Variants in MAP4K5 observed in about 807,000 individuals in gnomAD.
MAP4K5 encodes the protein mitogen-activated protein kinase kinase kinase kinase 5, also known as MAPK/ERK kinase kinase kinase 5.
A neutral mutation model predicts 135.6 loss-of-function variants in MAP4K5; 82 were observed. The observed-to-expected ratio is 0.60, with a 90% CI of 0.51 to 0.73. The LOEUF is 0.73. MAP4K5 is among the 30% of genes least tolerant of loss of function. MAP4K5 has a pLI of 0.00. For synonymous variants in MAP4K5, 347 were observed against 335.0 expected (o/e 1.04, Z -0.39); for missense variants, 907 against 1,010.9 (o/e 0.90, Z 1.39).
At chr14:50,503,418 G>A (rs1399654412) in intron 3 of MAP4K5, among the ~76,000 whole-genome samples, 1 of 152,046 alleles carries the variant, frequency 6.6e-6, no homozygotes, top group African/African-American at 2.4e-5. Flanking sequence ...AAGGCAGTGA[G>A]AAATTCCAGC....
intron 3 of MAP4K5, among the ~76,000 whole-genome samples, chr14:50,493,198 C>T (rs2037523063): frequency 6.6e-6 from 1 of 152,154 alleles, no homozygotes; most frequent in Non-Finnish European, 1.5e-5. Context: ...CTCCTGGGCT[C>T]AAGCAGTCCT....
chr14:50,542,385 A>T (rs1350011852), intron 2 of MAP4K5: 1 of 152,138 alleles, frequency 6.6e-6, no homozygotes, highest in Non-Finnish European at 1.5e-5. Flanking sequence ...AGGTGCAGCA[A>T]ACTACCATGG....
chr14:50,542,047 A>G (rs1255842234), intron 2 of MAP4K5, among the ~76,000 whole-genome samples: 1 of 126,816 alleles, frequency 7.9e-6, no homozygotes, highest in Non-Finnish European at 1.7e-5. Flanking sequence ...AAAAAAAAAA[A>G]AGAATATGCT....
chr14:50,464,367 A>C (rs2036783793), intron 11 of MAP4K5, among the ~76,000 whole-genome samples: 1 of 152,194 alleles, frequency 6.6e-6, no homozygotes, highest in Admixed American at 6.5e-5. Flanking sequence ...TAACAATCAG[A>C]AATAGATAGG....
chr14:50,498,605 A>C (rs1313170535), intron 3 of MAP4K5, among the ~76,000 whole-genome samples: 1 of 152,236 alleles, frequency 6.6e-6, no homozygotes. Context: ...CAAAATTTTG[A>C]ATATAGCATT....
chr14:50,535,877 A>G (rs1175137220), upstream of MAP4K5, among the ~76,000 whole-genome samples: 1 of 152,218 alleles, frequency 6.6e-6, no homozygotes, highest in Non-Finnish European at 1.5e-5. Context: ...GGTAGGAGGT[A>G]ATGAATCATG....
chr14:50,486,790 G>T (rs1239184778), intron 3 of MAP4K5, among the ~76,000 whole-genome samples: 1 of 152,058 alleles, frequency 6.6e-6, no homozygotes, highest in African/African-American at 2.4e-5. Context: ...AATTAGATGG[G>T]TGTGGTGGTG....
chr14:50,551,563 C>T (rs762780116), intron 1 of MAP4K5, among the ~76,000 whole-genome samples: 6 of 151,798 alleles, frequency 4.0e-5, no homozygotes, highest in Non-Finnish European at 7.4e-5. Flanking sequence ...CCAGGAAAGG[C>T]CATAACAAAA....
At position 50,519,414 on chromosome 14, in the gene MAP4K5, G is replaced by A. The variant is rs534625215; in HGVS notation, c.108+12528C>T. Among the ~76,000 whole-genome samples, 3 of 152,168 alleles carry A rather than the reference G, an allele frequency of 2.0e-5. No individual in the cohort carries two copies. In the South Asian group the frequency reaches 6.2e-4, roughly 32 times the overall value. On this transcript the variant is annotated intron_variant, in intron 2 of 32. Transcript: ENST00000682126. ...TCATGCCTGTAATCCCAGCACTTCG[G>A]GAGGTCAAGAAGGGCAGATCACCTG...
In MAP4K5 at chr14:50,423,121, C is replaced by G; in HGVS notation, c.2453G>C (p.Arg818Thr). ...TAAATTAATACAACCAAACTATTACCTGTCTGATCCTAATAAGCGGAAAAC... is the reference window on the plus strand; with the variant it reads ...TAAATTAATACAACCAAACTATTACGTGTCTGATCCTAATAAGCGGAAAAC... ...TRVFRLLGSDRVVVLESRPTE... is the reference protein window; with the variant it reads ...TRVFRLLGSDTVVVLESRPTE... Residue 818 changes from arginine (R) to threonine (T), a missense_variant and splice_region_variant, in exon 32 of 33, where the codon AGG becomes ACG. By Grantham distance (71) the Arg-to-Thr change is moderately conservative (BLOSUM62 -1). Coordinates refer to ENST00000682126, the MANE Select transcript of MAP4K5 (RefSeq NM_006575.6). 2 of 1,528,772 alleles carry G rather than the reference C, an allele frequency of 1.3e-6. No homozygotes were observed. The highest frequency in any genetic ancestry group is 1.8e-6 in the Non-Finnish European group (2 of 1,110,876). The allele number at this position is 1,528,772 out of a possible 1,614,324, so 94.7% of individuals were successfully genotyped here.
chr14:50,507,168 T>C (rs535852463), intron 2 of MAP4K5, among the ~76,000 whole-genome samples: 1 of 152,354 alleles, frequency 6.6e-6, no homozygotes, highest in African/African-American at 2.4e-5. Context: ...GGAACTTTCA[T>C]ATACATTACT....
intron 7 of MAP4K5, 36 bp downstream of exon 7, chr14:50,476,223 T>C (rs1373501676): frequency 4.7e-6 from 7 of 1,480,776 alleles, no homozygotes; most frequent in Admixed American, 2.3e-5. Flanking sequence ...TTTCTTCCAA[T>C]AGAATTGGCA....
intron 14 of MAP4K5, 47 bp from the exon 15 acceptor site, chr14:50,448,879 T>C (rs1228775540): frequency 8.4e-6 from 8 of 951,790 alleles, no homozygotes; most frequent in African/African-American, 1.7e-5. Flanking sequence ...TCTCAAAGGG[T>C]TGATCTCAGA....
chr14:50,434,394 C>T lies in MAP4K5; in HGVS notation c.2164G>A (p.Gly722Ser). The change falls in exon 28 of 33, where the codon GGC (glycine) becomes AGC (serine). Residue 722 changes from glycine (G) to serine (S), a missense_variant and splice_region_variant. By Grantham distance (56) the Gly-to-Ser change is moderately conservative (BLOSUM62 0). Around this residue, in one of 3 missense-constraint regions of MAP4K5, gnomAD observed 690 missense variants for 777.4 expected, o/e 0.89. Transcript: ENST00000682126. ...CTAACATAAGGTAAAAAATACTTAC[C>T]TGCACCAATTTCTGTAAACCATGAA... ...ASSWFTEIGA[G>S]SQQLDSIHVT... 6.3e-7 allele frequency: 1 copy of T among 1,597,836 alleles called. No individual in the cohort carries two copies. The highest frequency in any genetic ancestry group is 8.5e-7 in the Non-Finnish European group (1 of 1,171,876).
chr14:50,461,535 A>T (rs565303535), intron 13 of MAP4K5, among the ~76,000 whole-genome samples: 1 of 152,210 alleles, frequency 6.6e-6, no homozygotes, highest in South Asian at 2.1e-4. Context: ...ACTGGTGAAA[A>T]AATATAGCTG....
rs1014090485 is a variant in MAP4K5, at chr14:50,436,544, C to A, written c.1882+932G>T. Reference sequence around the variant, plus strand: ...TACTGAGATCAGCAAGGTGGTCAATCAATCATGCCAGAAATACAAAAAATG... The same window carrying A: ...TACTGAGATCAGCAAGGTGGTCAATAAATCATGCCAGAAATACAAAAAATG... On this transcript the variant is annotated intron_variant, in intron 26 of 32. Coordinates refer to ENST00000682126, the MANE Select transcript of MAP4K5 (RefSeq NM_006575.6). Among the ~76,000 whole-genome samples the A allele has an allele frequency of 6.7e-5, 10 of 149,068 alleles. No homozygotes were observed. In the Admixed American group the frequency reaches 6.7e-4, roughly 10 times the overall value.
intron 6 of MAP4K5, 85 bp downstream of exon 6, chr14:50,482,276 A>G (rs1034073263): frequency 1.3e-5 from 9 of 699,610 alleles, no homozygotes; most frequent in African/African-American, 1.9e-5. Flanking sequence ...TATAGTTATC[A>G]ATTGTCAGGC....
intron 30 of MAP4K5, among the ~76,000 whole-genome samples, chr14:50,427,609 C>T (rs1227937864): frequency 6.6e-6 from 1 of 152,130 alleles, no homozygotes; most frequent in East Asian, 1.9e-4. Flanking sequence ...TTACCAACTT[C>T]ATTTTAGTGC....
intron 9 of MAP4K5, among the ~76,000 whole-genome samples, chr14:50,470,652 T>C (rs2036937349): frequency 2.4e-5 from 1 of 41,470 alleles, no homozygotes; most frequent in Non-Finnish European, 5.7e-5. Context: ...TCATCCATTT[T>C]TACACACACA....
Sources: allele counts gnomAD v4.1 joint callset (sites outside exome capture counted in the v4.1 genomes callset), GRCh38; gene constraint gnomAD v4.1.1; regional missense constraint gnomAD v4.1.1; transcripts MANE v1.5; gene names NCBI Gene and HGNC (gene_info 2026-07-23, HGNC 2026-07-21).